Variants in ARSK observed in about 807,000 individuals in gnomAD.
ARSK encodes the protein arylsulfatase family member K, also known as arylsulfatase K.
A neutral mutation model predicts 53.2 loss-of-function variants in ARSK; 37 were observed. The ratio of observed to expected loss-of-function variants is 0.70; its 90% CI spans 0.54 to 0.92. ARSK has a LOEUF of 0.92. Ranked by LOEUF, ARSK falls within the 40% of genes least tolerant of loss-of-function variation. ARSK has a pLI of 0.00. For synonymous variants in ARSK, 208 were observed against 223.2 expected, an observed-to-expected ratio of 0.93 and a Z score of 0.61; for missense variants, 613 against 643.0, an observed-to-expected ratio of 0.95 and a Z score of 0.51.
intron 3 of ARSK, among the ~76,000 whole-genome samples, chr5:95,570,786 T>C (rs1748815272): frequency 6.6e-6 from 1 of 150,490 alleles, no homozygotes; most frequent in Non-Finnish European, 1.5e-5. Context: ...TAACCATCTT[T>C]TTTTTTTTTT....
chr5:95,586,774 TA>T, intron 5 of ARSK, 41 bp downstream of exon 5: 1 of 1,493,480 alleles, frequency 6.7e-7, no homozygotes, highest in Non-Finnish European at 9.0e-7. Flanking sequence ...GAAGAAAAAT[TA>T]TAATATTTTT....
intron 7 of ARSK, 21 bp from the exon 8 acceptor site, chr5:95,603,210 GACAGAT>G (rs1749434318): frequency 6.6e-7 from 1 of 1,508,416 alleles, no homozygotes; most frequent in Non-Finnish European, 8.8e-7. Context: ...TCACTATTTT[GACAGAT>G]ACTTATTTTT....
chr5:95,599,935 T>C lies in ARSK; in HGVS notation c.1097-912T>C, dbSNP rs1444393359. ...ATTGGAAATATTTATACATAAAATA[T>C]GAACATTGAAACCAGAAAAGGGCTG... On this transcript the variant is annotated intron_variant, in intron 6 of 7. Coordinates refer to ENST00000380009, the MANE Select transcript of ARSK (RefSeq NM_198150.3). Among the ~76,000 whole-genome samples, 3 of 152,186 alleles carry C rather than the reference T, an allele frequency of 2.0e-5. No individual in the cohort carries two copies. The East Asian group carries it at 5.8e-4, about 29-fold the overall frequency.
At chr5:95,582,169 G>C (rs1481110202) in intron 3 of ARSK, among the ~76,000 whole-genome samples, 1 of 152,136 alleles carries the variant, frequency 6.6e-6, no homozygotes, top group Admixed American at 6.5e-5. Flanking sequence ...TAAAAAGCAA[G>C]CTTCCTAGAA....
intron 1 of ARSK, chr5:95,556,057 T>C: frequency 3.3e-6 from 2 of 597,554 alleles, no homozygotes; most frequent in East Asian, 5.6e-5. Flanking sequence ...ATCCATGTTT[T>C]AAAAAGTGCT....
At chr5:95,598,100 T>C (rs763024218) in intron 6 of ARSK, among the ~76,000 whole-genome samples, 3 of 152,194 alleles carry the variant, frequency 2.0e-5, no homozygotes, top group Non-Finnish European at 4.4e-5. Flanking sequence ...GGAAGAAATA[T>C]AATATCATCT....
intron 3 of ARSK, among the ~76,000 whole-genome samples, chr5:95,574,183 C>A (rs114695734): frequency 0.022 from 3,298 of 152,172 alleles, 42 homozygotes; most frequent in Non-Finnish European, 0.032. Context: ...GGATCTCATT[C>A]TTTTTTATAG....
At position 95,583,118 on chromosome 5, in the gene ARSK, C is replaced by T. The variant is rs780147352; in HGVS notation, c.619C>T (p.Pro207Ser). Residue 207 changes from proline (P) to serine (S), a missense_variant, in exon 4 of 8, where the codon CCA (proline) becomes TCA (serine). Physicochemically the swap from Pro to Ser is moderately conservative, Grantham distance 74. Coordinates refer to ENST00000380009, the MANE Select transcript of ARSK (RefSeq NM_198150.3). The stretch of plus-strand genomic sequence containing the variant: ...TGTTATTTACTTGGGATTAAATTTA[C>T]CACACCCTTACCCTTCACCATCTTC... ...PFVIYLGLNL[P>S]HPYPSPSSGE... 3 of 1,613,186 alleles carry T rather than the reference C, an allele frequency of 1.9e-6. No individual in the cohort carries two copies. The East Asian group carries it at 6.7e-5, about 36-fold the overall frequency.
At chr5:95,591,092 T>C (rs1420234973) in intron 5 of ARSK, among the ~76,000 whole-genome samples, 1 of 152,198 alleles carries the variant, frequency 6.6e-6, no homozygotes. Context: ...TTCAAGGCAC[T>C]AAGGGGAAGA....
intron 3 of ARSK, among the ~76,000 whole-genome samples, chr5:95,575,485 A>G (rs1346063323): frequency 6.6e-6 from 1 of 152,192 alleles, no homozygotes; most frequent in Non-Finnish European, 1.5e-5. Flanking sequence ...TTTTAACAAT[A>G]TTGATTCTTC....
chr5:95,593,075 T>C (rs1749245369), intron 6 of ARSK, among the ~76,000 whole-genome samples: 1 of 152,188 alleles, frequency 6.6e-6, no homozygotes. Context: ...TTTATGAATA[T>C]ATATGAATTT....
At chr5:95,594,917 G>A (rs761686364) in intron 6 of ARSK, among the ~76,000 whole-genome samples, 1 of 151,670 alleles carries the variant, frequency 6.6e-6, no homozygotes, top group Non-Finnish European at 1.5e-5. Flanking sequence ...CAAATGTTTT[G>A]TAGGCAAATG....
chr5:95,601,914 A>G (rs1749406842), intron 7 of ARSK, among the ~76,000 whole-genome samples: 1 of 152,156 alleles, frequency 6.6e-6, no homozygotes, highest in South Asian at 2.1e-4. Flanking sequence ...GCCATTGTCA[A>G]ATGAAATTTA....
Position 95,572,597 on chromosome 5 carries a change from T to C in ARSK, c.416+4548T>C, listed in dbSNP as rs1476498946. 3.3e-5 allele frequency among the ~76,000 whole-genome samples: 5 copies of C among 152,122 alleles called. No homozygotes were observed. The East Asian group carries it at 9.6e-4, about 29-fold the overall frequency. On this transcript the variant is annotated intron_variant, in intron 3 of 7. Transcript: ENST00000380009. ...ATTGATACCATCTTGGCTAACACGG[T>C]GAAACCCCGTCTCTACTAAAAATGC... is the stretch of plus-strand genomic sequence containing the variant.
At chr5:95,566,766 C>T (rs1748732827) in intron 2 of ARSK, among the ~76,000 whole-genome samples, 2 of 152,164 alleles carry the variant, frequency 1.3e-5, no homozygotes, top group South Asian at 4.1e-4. Flanking sequence ...TGGTTGTTTT[C>T]CTTTTCCCCT....
intron 3 of ARSK, among the ~76,000 whole-genome samples, chr5:95,572,033 G>T (rs1748840088): frequency 6.6e-6 from 1 of 152,058 alleles, no homozygotes; most frequent in Admixed American, 6.5e-5. Context: ...TATATTTTCA[G>T]CCAGAATTAC....
At chr5:95,587,964 A>G (rs1749150818) in intron 5 of ARSK, among the ~76,000 whole-genome samples, 1 of 152,098 alleles carries the variant, frequency 6.6e-6, no homozygotes, top group African/African-American at 2.4e-5. Flanking sequence ...TACTCAATGC[A>G]AATAAGATCT....
At chr5:95,557,494 A>G (rs1485398698) in intron 1 of ARSK, among the ~76,000 whole-genome samples, 1 of 152,214 alleles carries the variant, frequency 6.6e-6, no homozygotes, top group East Asian at 1.9e-4. Flanking sequence ...GTATATATCA[A>G]TGTGTTTGAA....
At chr5:95,559,034 G>A (rs1345135144) in intron 1 of ARSK, among the ~76,000 whole-genome samples, 12 of 152,112 alleles carry the variant, frequency 7.9e-5, no homozygotes, top group Admixed American at 3.3e-4. Flanking sequence ...CCAGCTACTC[G>A]GGAGGCTGAG....
Sources: gnomAD v4.1 joint callset for allele counts (sites outside exome capture counted in the v4.1 genomes callset) on GRCh38, gnomAD v4.1.1 for gene constraint, MANE v1.5 for transcripts, NCBI Gene and HGNC (gene_info 2026-07-23, HGNC 2026-07-21) for gene names.